DGCR2: variants seen among roughly 807,000 people sequenced by gnomAD.
DGCR2 encodes the protein DiGeorge syndrome critical region gene 2, also known as integral membrane protein DGCR2/IDD.
Under a neutral mutation model 51.6 loss-of-function variants are expected in DGCR2, and 24 were observed. The observed-to-expected ratio is 0.47, with a 90% CI of 0.34 to 0.65. The LOEUF is 0.65. Ranked by LOEUF, DGCR2 falls within the 30% of genes least tolerant of loss-of-function variation. DGCR2 has a pLI of 0.01. For synonymous variants in DGCR2, 340 were observed against 315.4 expected (o/e 1.08, Z -0.82); for missense variants, 765 against 772.1 (o/e 0.99, Z 0.11).
At chr22:19,112,188 G>A (rs1025929117) in intron 1 of DGCR2, among the ~76,000 whole-genome samples, 5 of 149,652 alleles carry the variant, frequency 3.3e-5, no homozygotes, top group Non-Finnish European at 6.0e-5. Flanking sequence ...CAGGAGAATC[G>A]CTTGAACCCG....
chr22:19,116,681 G>T (rs942440396), intron 1 of DGCR2, among the ~76,000 whole-genome samples: 2 of 152,090 alleles, frequency 1.3e-5, no homozygotes, highest in African/African-American at 4.8e-5. Context: ...CTATCTACGG[G>T]GTCCTTAAAT....
chr22:19,054,419 T>A (rs2082579725), intron 6 of DGCR2, among the ~76,000 whole-genome samples: 1 of 152,230 alleles, frequency 6.6e-6, no homozygotes, highest in Non-Finnish European at 1.5e-5. Flanking sequence ...AGCTTGAAAT[T>A]ATACCTAAAT....
intron 1 of DGCR2, among the ~76,000 whole-genome samples, chr22:19,100,825 CCAGA>C (rs993688432): frequency 2.0e-5 from 3 of 152,120 alleles, no homozygotes; most frequent in African/African-American, 7.2e-5. Context: ...AGAAATTTGG[CCAGA>C]CATAGTGGTT....
chr22:19,107,956 TG>T (rs2083275651), intron 1 of DGCR2, among the ~76,000 whole-genome samples: 1 of 152,232 alleles, frequency 6.6e-6, no homozygotes, highest in African/African-American at 2.4e-5. Context: ...TCATTTTGCA[TG>T]TGCCAGGCAG....
At chr22:19,048,208 C>G in intron 7 of DGCR2, 1 of 581,332 alleles carries the variant, frequency 1.7e-6, no homozygotes, top group Non-Finnish European at 3.1e-6. Context: ...TTTGTGAATG[C>G]TGCCTGTCAC....
At chr22:19,065,956 A>ATGTG (rs3831655) in intron 3 of DGCR2, 1 of 151,784 alleles carries the variant, frequency 6.6e-6, no homozygotes, top group African/African-American at 2.4e-5. Flanking sequence ...TTATGTAAGC[A>ATGTG]TGTGTGTGTG....
Position 19,063,216 on chromosome 22 carries a change from T to C in DGCR2, c.611A>G (p.Glu204Gly), listed in dbSNP as rs568413912. 1 of 1,614,162 alleles carries C rather than the reference T, an allele frequency of 6.2e-7. No individual in the cohort carries two copies. Among genetic ancestry groups the C allele is most frequent in the Admixed American group, 1.7e-5 (1 of 60,030 alleles). Reference sequence around the variant, plus strand: ...GAAGGGCTCACCTTTGAATGCCACCTCCCAGCGACCTTCCAAGGAGCGGTT... The same window carrying C: ...GAAGGGCTCACCTTTGAATGCCACCCCCCAGCGACCTTCCAAGGAGCGGTT... ...GRNRSLEGRW[E>G]VAFKGSSEVF... Residue 204 changes from glutamate (E) to glycine (G), a missense_variant, in exon 5 of 10, where the codon GAG (glutamate) becomes GGG (glycine). Glu to Gly is a moderately conservative substitution (Grantham distance 98). Transcript: ENST00000263196.
chr22:19,105,782 C>T (rs903199561), intron 1 of DGCR2, among the ~76,000 whole-genome samples: 2 of 152,200 alleles, frequency 1.3e-5, no homozygotes, highest in African/African-American at 4.8e-5. Flanking sequence ...AAACAGTGCA[C>T]AGACCATCCC....
intron 1 of DGCR2, among the ~76,000 whole-genome samples, chr22:19,090,573 C>A (rs772639726): frequency 1.3e-5 from 2 of 152,164 alleles, no homozygotes; most frequent in African/African-American, 4.8e-5. Flanking sequence ...AGCAAACACA[C>A]AGATACTGTA....
At position 19,036,579 on chromosome 22, in the gene DGCR2, A is replaced by C. The variant is rs967774100; in HGVS notation, c.*2286T>G. On this transcript the variant is annotated 3_prime_UTR_variant, in exon 10 of 10. Coordinates refer to ENST00000263196, the MANE Select transcript of DGCR2 (RefSeq NM_005137.3). ...GACTGGGGACTGCAGCAGGCCTTGC[A>C]AAGGGGGCATTCTGGATGGTGGTGC... is the stretch of plus-strand genomic sequence containing the variant. 1 of 152,304 alleles carries C rather than the reference A, an allele frequency of 6.6e-6. No homozygotes were observed. Among genetic ancestry groups the C allele is most frequent in the African/African-American group, 2.4e-5 (1 of 41,432 alleles). The allele number at this position is 152,304 out of a possible 1,614,324, so 9.4% of individuals were successfully genotyped here.
rs1418262769 is a variant in DGCR2, at chr22:19,041,247, G to T, written c.1207C>A (p.Pro403Thr). Reference sequence around the variant, plus strand: ...GTGAGGCCCGTGCCAAACCCGTCTGGGCCGTAATCAAAGCCAGGGATCCTG... The same window carrying T: ...GTGAGGCCCGTGCCAAACCCGTCTGTGCCGTAATCAAAGCCAGGGATCCTG... Reference protein sequence around the residue: ...GRRIPGFDYGPDGFGTGLTPL... With the variant: ...GRRIPGFDYGTDGFGTGLTPL... Residue 403 changes from proline to threonine, a missense_variant, in exon 9 of 10, where the codon CCA becomes ACA. Pro to Thr is a conservative substitution (Grantham distance 38). Coordinates refer to ENST00000263196, the MANE Select transcript of DGCR2 (RefSeq NM_005137.3). 55 of 1,613,974 alleles carry T rather than the reference G, an allele frequency of 3.4e-5. No homozygotes were observed. Among genetic ancestry groups the T allele is most frequent in the Non-Finnish European group, 4.4e-5 (52 of 1,180,006 alleles).
chr22:19,094,369 G>A (rs182589347), intron 1 of DGCR2, among the ~76,000 whole-genome samples: 17 of 152,344 alleles, frequency 1.1e-4, no homozygotes, highest in Admixed American at 1.0e-3. Flanking sequence ...AGGTTGCAGT[G>A]AGCCAAGATT....
At chr22:19,114,062 GAAAAAA>G (rs55948025) in intron 1 of DGCR2, among the ~76,000 whole-genome samples, 1 of 80,992 alleles carries the variant, frequency 1.2e-5, no homozygotes, top group African/African-American at 4.7e-5. Flanking sequence ...TCCATTTGAG[GAAAAAA>G]AAAAAAAAAA....
chr22:19,084,238 C>T (rs1020331136), intron 2 of DGCR2, among the ~76,000 whole-genome samples: 2 of 150,902 alleles, frequency 1.3e-5, no homozygotes, highest in South Asian at 4.2e-4. Flanking sequence ...AAGTGAGGAG[C>T]GCCTCTTCCC....
At chr22:19,063,088 C>CATGT in intron 5 of DGCR2, 114 bp downstream of exon 5, 1 of 1,007,096 alleles carries the variant, frequency 9.9e-7, no homozygotes, top group Non-Finnish European at 1.5e-6. Context: ...TCACCCACTC[C>CATGT]CTGCACAGCA....
intron 6 of DGCR2, among the ~76,000 whole-genome samples, chr22:19,051,480 T>G (rs1173549875): frequency 1.3e-5 from 2 of 152,206 alleles, no homozygotes; most frequent in African/African-American, 4.8e-5. Flanking sequence ...TTCACACCTG[T>G]AATCTCAATA....
At chr22:19,059,209 G>A (rs1370538288) in intron 5 of DGCR2, among the ~76,000 whole-genome samples, 1 of 152,176 alleles carries the variant, frequency 6.6e-6, no homozygotes, top group African/African-American at 2.4e-5. Flanking sequence ...GAGCAGAGGT[G>A]AAAAGGACCC....
intron 5 of DGCR2, among the ~76,000 whole-genome samples, chr22:19,060,321 AAAG>A (rs1449026505): frequency 3.3e-5 from 5 of 152,170 alleles, no homozygotes; most frequent in Admixed American, 6.5e-5. Context: ...AGCACCAGAG[AAAG>A]AAGAAGACGG....
intron 1 of DGCR2, among the ~76,000 whole-genome samples, chr22:19,108,281 A>G (rs939115306): frequency 5.3e-5 from 8 of 152,200 alleles, no homozygotes; most frequent in African/African-American, 1.7e-4. Flanking sequence ...GTAAAGATAC[A>G]CAGACCACAC....
Sources: allele counts gnomAD v4.1 joint callset (sites outside exome capture counted in the v4.1 genomes callset), GRCh38; gene constraint gnomAD v4.1.1; transcripts MANE v1.5; gene names NCBI Gene and HGNC (gene_info 2026-07-23, HGNC 2026-07-21).